The following EPHA3 variants were observed in gnomAD, a reference collection of about 807,000 sequenced individuals.
EPHA3 encodes EPH receptor A3, also known as ephrin type-A receptor 3.
EPHA3 carries 42 observed loss-of-function variants against 107.1 expected under a neutral mutation model. The ratio of observed to expected loss-of-function variants is 0.39; its 90% CI spans 0.31 to 0.51. The LOEUF (loss-of-function observed/expected upper bound fraction) is 0.51. Ranked by LOEUF, EPHA3 falls within the 20% of genes least tolerant of loss-of-function variation. The pLI is 0.78. For missense variants in EPHA3, 1,183 were observed against 1,211.2 expected (o/e 0.98, Z 0.35); for synonymous variants, 461 against 424.8 (o/e 1.09, Z -1.05).
intron 3 of EPHA3, among the ~76,000 whole-genome samples, chr3:89,333,975 T>TC (rs1220321966): frequency 6.6e-6 from 1 of 152,206 alleles, no homozygotes; most frequent in Non-Finnish European, 1.5e-5. Context: ...ATTTTTCTTG[T>TC]CATTAAAAGA....
At chr3:89,203,638 G>C (rs1308914057) in intron 2 of EPHA3, among the ~76,000 whole-genome samples, 1 of 151,844 alleles carries the variant, frequency 6.6e-6, no homozygotes, top group South Asian at 2.1e-4. Flanking sequence ...TCAGCCGGGC[G>C]CAGTGGCGGG....
intron 8 of EPHA3, 77 bp from the exon 9 acceptor site, chr3:89,407,990 C>T (rs2107517145): frequency 7.6e-7 from 1 of 1,318,820 alleles, no homozygotes. Flanking sequence ...TATTTTTATG[C>T]TTTGCACATT....
chr3:89,477,958 C>A (rs1465245424), intron 16 of EPHA3, among the ~76,000 whole-genome samples: 3 of 151,670 alleles, frequency 2.0e-5, no homozygotes, highest in Non-Finnish European at 2.9e-5. Flanking sequence ...GAAAATGAAA[C>A]AAGAAAAGAA....
intron 16 of EPHA3, among the ~76,000 whole-genome samples, chr3:89,476,703 G>A (rs1710518763): frequency 6.6e-6 from 1 of 151,520 alleles, no homozygotes; most frequent in Non-Finnish European, 1.5e-5. Context: ...CGCCTCCTGG[G>A]TTCACGCCAT....
At position 89,429,908 on chromosome 3, in the gene EPHA3, C is replaced by T. The variant is rs573368981; in HGVS notation, c.2136+741C>T. 9.5e-4 allele frequency among the ~76,000 whole-genome samples: 144 copies of T among 152,048 alleles called. 1 individual carries two copies. Among genetic ancestry groups the T allele is most frequent in the Middle Eastern group, 3.4e-3 (1 of 294 alleles). ...CCTTCCAAATAGCAGGGATTACAGG[C>T]GCCCACCATCATGCCTGGCTAGTTT... On this transcript the variant is annotated intron_variant, in intron 12 of 16. Coordinates refer to ENST00000336596, the MANE Select transcript of EPHA3 (RefSeq NM_005233.6).
At chr3:89,389,380 A>T (rs1378836248) in intron 5 of EPHA3, among the ~76,000 whole-genome samples, 1 of 152,226 alleles carries the variant, frequency 6.6e-6, no homozygotes, top group South Asian at 2.1e-4. Context: ...TCAAAAGAAA[A>T]ATCTTTCAAC....
intron 5 of EPHA3, among the ~76,000 whole-genome samples, chr3:89,370,914 G>T (rs1708287928): frequency 6.6e-6 from 1 of 151,520 alleles, no homozygotes; most frequent in African/African-American, 2.4e-5. Context: ...CCCTCAAACT[G>T]GTACTGCAGT....
intron 3 of EPHA3, among the ~76,000 whole-genome samples, chr3:89,211,361 G>A (rs1318358496): frequency 1.3e-5 from 2 of 151,704 alleles, no homozygotes; most frequent in Non-Finnish European, 2.9e-5. Flanking sequence ...TTAGCATTAG[G>A]CAAGGTTTTA....
chr3:89,132,637 A>G (rs2106991142), intron 2 of EPHA3, among the ~76,000 whole-genome samples: 1 of 152,342 alleles, frequency 6.6e-6, no homozygotes, highest in Non-Finnish European at 1.5e-5. Flanking sequence ...TGAGAGACCA[A>G]GGCAGGAGAA....
At chr3:89,182,169 T>C (rs1705456563) in intron 2 of EPHA3, among the ~76,000 whole-genome samples, 1 of 151,924 alleles carries the variant, frequency 6.6e-6, no homozygotes, top group African/African-American at 2.4e-5. Context: ...TAAATACTGG[T>C]TTTATACCAC....
chr3:89,142,372 G>T (rs1704450659), intron 2 of EPHA3, among the ~76,000 whole-genome samples: 1 of 151,260 alleles, frequency 6.6e-6, no homozygotes, highest in Admixed American at 6.6e-5. Flanking sequence ...TAGATCAGGG[G>T]CTGTTCCATA....
At chr3:89,407,527 T>G (rs1312906194) in intron 8 of EPHA3, among the ~76,000 whole-genome samples, 156 bp downstream of exon 8, 1 of 152,138 alleles carries the variant, frequency 6.6e-6, no homozygotes, top group Non-Finnish European at 1.5e-5. Context: ...CCTCCTTTTC[T>G]TTGTTTCTCC....
chr3:89,197,718 A>G (rs1268062640), intron 2 of EPHA3, among the ~76,000 whole-genome samples: 3 of 152,122 alleles, frequency 2.0e-5, no homozygotes, highest in Admixed American at 6.6e-5. Context: ...GCTCACACCT[A>G]TATTCCCAGC....
At position 89,209,804 on chromosome 3, in the gene EPHA3, G is replaced by T; in HGVS notation, c.154-56G>T. 3.5e-6 allele frequency: 5 copies of T among 1,417,072 alleles called. No individual in the cohort carries two copies. The East Asian group carries it at 6.9e-5, about 20-fold the overall frequency. 87.8% of individuals were successfully genotyped at this position (1,417,072 alleles called of 1,614,324 possible). On this transcript the variant is annotated intron_variant, in intron 2 of 16. Transcript: ENST00000336596. ...GAGATGGCTCTGACACCCTTATGTT[G>T]TATTCGTTATTATCATTAATTCTGC...
At chr3:89,346,542 C>T (rs1157833227) in intron 5 of EPHA3, among the ~76,000 whole-genome samples, 14 of 148,192 alleles carry the variant, frequency 9.4e-5, no homozygotes, top group South Asian at 4.2e-4. Flanking sequence ...GAGTAGGTTG[C>T]GAAAATTTTC....
intron 3 of EPHA3, among the ~76,000 whole-genome samples, chr3:89,232,987 A>C (rs1704672822): frequency 6.6e-6 from 1 of 152,148 alleles, no homozygotes; most frequent in Non-Finnish European, 1.5e-5. Context: ...ATGAACTCCT[A>C]CTTTATATCC....
chr3:89,239,780 GA>G (rs1704851975), intron 3 of EPHA3, among the ~76,000 whole-genome samples: 1 of 152,186 alleles, frequency 6.6e-6, no homozygotes, highest in South Asian at 2.1e-4. Flanking sequence ...CAAAGTGACA[GA>G]TTGCATAGGT....
intron 2 of EPHA3, among the ~76,000 whole-genome samples, chr3:89,149,161 T>C (rs960759471): frequency 2.0e-5 from 3 of 152,020 alleles, no homozygotes; most frequent in African/African-American, 7.2e-5. Flanking sequence ...TATAGAGTGC[T>C]GGTTTCTACC....
At chr3:89,118,587 G>A (rs2106954696) in intron 1 of EPHA3, among the ~76,000 whole-genome samples, 1 of 151,824 alleles carries the variant, frequency 6.6e-6, no homozygotes, top group Non-Finnish European at 1.5e-5. Flanking sequence ...TGAAAACTTT[G>A]GAACTCTAAA....
Sources: allele counts gnomAD v4.1 joint callset (sites outside exome capture counted in the v4.1 genomes callset), GRCh38; gene constraint gnomAD v4.1.1; transcripts MANE v1.5; gene names NCBI Gene and HGNC (gene_info 2026-07-23, HGNC 2026-07-21).